The following AGFG1 variants were observed in gnomAD, a reference collection of about 807,000 sequenced individuals.
AGFG1 encodes the protein arf-GAP domain and FG repeat-containing protein 1.
A neutral mutation model predicts 60.6 loss-of-function variants in AGFG1; 10 were observed. The ratio of observed to expected loss-of-function variants is 0.16; its 90% CI spans 0.10 to 0.28. The LOEUF is 0.28. Ranked by LOEUF, AGFG1 falls within the 10% of genes least tolerant of loss-of-function variation. The pLI, the probability that AGFG1 is intolerant of heterozygous loss-of-function variation, is 1.00. For synonymous variants in AGFG1, 247 were observed against 242.9 expected, an observed-to-expected ratio of 1.02 and a Z score of -0.16; for missense variants, 537 against 676.5, an observed-to-expected ratio of 0.79 and a Z score of 2.29.
At chr2:227,535,157 T>C in intron 8 of AGFG1, 132 bp downstream of exon 8, 1 of 1,031,742 alleles carries the variant, frequency 9.7e-7, no homozygotes, top group Non-Finnish European at 1.3e-6. Flanking sequence ...TTTGAGGAAT[T>C]TGAATTTAAA....
At position 227,559,206 on chromosome 2, in the gene AGFG1, C is replaced by T. The variant is rs892150029; in HGVS notation, c.*4711C>T. Reference sequence around the variant, plus strand: ...TGTTTTAAAACGTTGCATTCTGAATCCATCTTTTTGAAATGGGGCATGTAC... The same window carrying T: ...TGTTTTAAAACGTTGCATTCTGAATTCATCTTTTTGAAATGGGGCATGTAC... On this transcript the variant is annotated 3_prime_UTR_variant, in exon 13 of 13. Coordinates refer to ENST00000310078, the MANE Select transcript of AGFG1 (RefSeq NM_004504.5). 2.0e-5 allele frequency: 3 copies of T among 152,156 alleles called. No individual in the cohort carries two copies. The highest frequency in any genetic ancestry group is 7.2e-5 in the African/African-American group (3 of 41,452). 9.4% of individuals were successfully genotyped at this position (152,156 alleles called of 1,614,324 possible).
intron 5 of AGFG1, among the ~76,000 whole-genome samples, chr2:227,526,695 A>T (rs1692006404): frequency 6.8e-6 from 1 of 147,678 alleles, no homozygotes; most frequent in African/African-American, 2.5e-5. Context: ...GGCGCCCGCC[A>T]CCACTCCCGG....
intron 1 of AGFG1, among the ~76,000 whole-genome samples, chr2:227,484,985 C>T (rs1690582614): frequency 6.6e-6 from 1 of 152,072 alleles, no homozygotes; most frequent in South Asian, 2.1e-4. Flanking sequence ...GCTGGGATTA[C>T]ACACATAAGC....
In AGFG1 at chr2:227,523,950, G is replaced by A. The variant is rs374469881; in HGVS notation, c.540+25G>A. Reference sequence around the variant, plus strand: ...GGTGAGTAGTCTTTGAATCTTTGTAGGGAATTCGACTTAAAGAGGGCTTGA... The same window carrying A: ...GGTGAGTAGTCTTTGAATCTTTGTAAGGAATTCGACTTAAAGAGGGCTTGA... On this transcript the variant is annotated intron_variant, in intron 4 of 12. Transcript: ENST00000310078. 2.9e-5 allele frequency: 46 copies of A among 1,591,632 alleles called. No homozygotes were observed. The African/African-American group carries it at 5.1e-4, about 18-fold the overall frequency.
At chr2:227,527,247 T>C (rs951635296) in intron 5 of AGFG1, among the ~76,000 whole-genome samples, 1 of 151,918 alleles carries the variant, frequency 6.6e-6, no homozygotes, top group African/African-American at 2.4e-5. Flanking sequence ...AAATTGTCTT[T>C]GATAAGTGGC....
At chr2:227,528,060 A>T (rs1559188772) in intron 5 of AGFG1, among the ~76,000 whole-genome samples, 4 of 152,194 alleles carry the variant, frequency 2.6e-5, no homozygotes, top group Non-Finnish European at 5.9e-5. Flanking sequence ...TATTATACAT[A>T]ATCACACTCC....
intron 1 of AGFG1, among the ~76,000 whole-genome samples, chr2:227,475,913 T>G (rs1690267852): frequency 6.6e-6 from 1 of 152,238 alleles, no homozygotes; most frequent in Non-Finnish European, 1.5e-5. Context: ...CTGGAAAATA[T>G]GAATACATAG....
chr2:227,544,500 T>TA (rs1376809785), intron 10 of AGFG1, among the ~76,000 whole-genome samples: 1 of 152,192 alleles, frequency 6.6e-6, no homozygotes, highest in Non-Finnish European at 1.5e-5. Flanking sequence ...ATCCTGTCAT[T>TA]ATGATGTTAG....
intron 1 of AGFG1, among the ~76,000 whole-genome samples, chr2:227,473,845 T>C (rs1334595099): frequency 6.6e-6 from 1 of 152,260 alleles, no homozygotes; most frequent in Non-Finnish European, 1.5e-5. Flanking sequence ...TACATGAGTG[T>C]TATTTCTTCA....
chr2:227,477,651 G>A (rs1690325540), intron 1 of AGFG1, among the ~76,000 whole-genome samples: 1 of 151,920 alleles, frequency 6.6e-6, no homozygotes, highest in African/African-American at 2.4e-5. Context: ...CGTCACCCAG[G>A]CTGGAGTGCA....
At chr2:227,501,798 T>A (rs185780185) in intron 2 of AGFG1, among the ~76,000 whole-genome samples, 2 of 152,330 alleles carry the variant, frequency 1.3e-5, no homozygotes, top group East Asian at 3.9e-4. Flanking sequence ...GGCACTGTTT[T>A]GTTTTTTTAT....
chr2:227,479,583 A>T (rs2106154164), intron 1 of AGFG1, among the ~76,000 whole-genome samples: 1 of 152,318 alleles, frequency 6.6e-6, no homozygotes, highest in South Asian at 2.1e-4. Flanking sequence ...TTTTCTGTGC[A>T]GCGTGCATGA....
At position 227,554,777 on chromosome 2, in the gene AGFG1, T is replaced by G. The variant is rs1575122811; in HGVS notation, c.*282T>G. The G allele has an allele frequency of 2.8e-5, 7 of 254,260 alleles. No homozygotes were observed. In the East Asian group the frequency reaches 5.3e-4, roughly 19 times the overall value. The allele number at this position is 254,260 out of a possible 1,614,324, so 15.8% of individuals were successfully genotyped here. A position where few individuals can be genotyped will look rare whatever the true frequency, so the allele number is the denominator to read the frequency against. Reference sequence around the variant, plus strand: ...TACCACATTCATTATGCTGCAGTACTGTACATATTTTTCTTAGAAATTAGC... The same window carrying G: ...TACCACATTCATTATGCTGCAGTACGGTACATATTTTTCTTAGAAATTAGC... On this transcript the variant is annotated 3_prime_UTR_variant, in exon 13 of 13. Transcript: ENST00000310078.
At chr2:227,499,414 C>T (rs1487094712) in intron 2 of AGFG1, among the ~76,000 whole-genome samples, 1 of 151,950 alleles carries the variant, frequency 6.6e-6, no homozygotes, top group East Asian at 1.9e-4. Flanking sequence ...CTGAGGCAGG[C>T]AGATCACTTG....
chr2:227,536,677 T>TCATCAAGTGTGCCTGCTC lies in AGFG1; in HGVS notation c.1262_1279dup (p.Ser421_Pro426dup). The stretch of plus-strand genomic sequence containing the variant: ...TGCTTCTGCACAGACACAGCCTGCT[T>TCATCAAGTGTGCCTGCTC]CATCAAGTGTGCCTGCTCCATTTGG... On this transcript the variant is annotated inframe_insertion, in exon 9 of 13. Transcript: ENST00000310078. 1.2e-6 allele frequency: 2 copies of TCATCAAGTGTGCCTGCTC among 1,613,928 alleles called. No homozygotes were observed. Among genetic ancestry groups the TCATCAAGTGTGCCTGCTC allele is most frequent in the Non-Finnish European group, 1.7e-6 (2 of 1,179,864 alleles).
chr2:227,477,418 G>T (rs1471002014), intron 1 of AGFG1, among the ~76,000 whole-genome samples: 4 of 152,094 alleles, frequency 2.6e-5, no homozygotes, highest in Non-Finnish European at 5.9e-5. Flanking sequence ...TAAAATTAGT[G>T]CACACTCTTA....
intron 2 of AGFG1, among the ~76,000 whole-genome samples, chr2:227,513,482 C>T (rs1162669968): frequency 6.6e-6 from 1 of 152,136 alleles, no homozygotes; most frequent in African/African-American, 2.4e-5. Context: ...GTAGCCTGGC[C>T]GCATCCTTCC....
At chr2:227,539,270 C>T (rs936510934) in intron 10 of AGFG1, among the ~76,000 whole-genome samples, 18 of 152,040 alleles carry the variant, frequency 1.2e-4, no homozygotes, top group African/African-American at 4.3e-4. Context: ...TGGTAAGACC[C>T]TGTCTCTACT....
rs1198801134 is a variant in AGFG1 at position 227,557,791 on chromosome 2, TAC to T, written c.*3301_*3302del. On this transcript the variant is annotated 3_prime_UTR_variant, in exon 13 of 13. Coordinates refer to ENST00000310078, the MANE Select transcript of AGFG1 (RefSeq NM_004504.5). ...ATTCCAACTTAAAAATTACACAGCA[TAC>T]ACACGCTGGAAAACTCCACTGTGCA... 1 of 152,212 alleles carries T rather than the reference TAC, an allele frequency of 6.6e-6. No homozygotes were observed. Among genetic ancestry groups the T allele is most frequent in the African/African-American group, 2.4e-5 (1 of 41,454 alleles). The allele number at this position is 152,212 out of a possible 1,614,324, so 9.4% of individuals were successfully genotyped here. A position where few individuals can be genotyped will look rare whatever the true frequency, so the allele number is the denominator to read the frequency against.
Sources: allele counts gnomAD v4.1 joint callset (sites outside exome capture counted in the v4.1 genomes callset), GRCh38; gene constraint gnomAD v4.1.1; transcripts MANE v1.5; gene names NCBI Gene and HGNC (gene_info 2026-07-23, HGNC 2026-07-21).